CYP39A1: variants seen among roughly 807,000 people sequenced by gnomAD.
The protein encoded by CYP39A1 is 24-hydroxycholesterol 7-alpha-hydroxylase.
Under a neutral mutation model 58.1 loss-of-function variants are expected in CYP39A1, and 49 were observed. The ratio of observed to expected loss-of-function variants is 0.84; its 90% CI spans 0.67 to 1.07. The LOEUF is 1.07. Among genes scored for constraint, CYP39A1 ranks in the 50% least tolerant of loss-of-function variants. The pLI is 0.00. For synonymous variants in CYP39A1, 209 were observed against 187.6 expected (o/e 1.11, Z -0.93); for missense variants, 531 against 539.4 (o/e 0.98, Z 0.16).
intron 5 of CYP39A1, among the ~76,000 whole-genome samples, chr6:46,634,139 C>T (rs746510156): frequency 1.3e-5 from 2 of 152,120 alleles, no homozygotes; most frequent in Admixed American, 1.3e-4. Context: ...GGGAGGTAAC[C>T]GAATCATGGG....
At chr6:46,641,544 T>C (rs1056855140) in intron 2 of CYP39A1, among the ~76,000 whole-genome samples, 1 of 151,850 alleles carries the variant, frequency 6.6e-6, no homozygotes, top group Non-Finnish European at 1.5e-5. Context: ...CAGACACAAA[T>C]TGAACCAGCT....
At chr6:46,562,522 C>T (rs1035265907) in intron 10 of CYP39A1, among the ~76,000 whole-genome samples, 1 of 151,650 alleles carries the variant, frequency 6.6e-6, no homozygotes, top group African/African-American at 2.4e-5. Context: ...AATCCCAGTG[C>T]TTTGGGAGGC....
At chr6:46,643,251 TATC>T (rs796668228) in intron 1 of CYP39A1, among the ~76,000 whole-genome samples, 37 of 152,332 alleles carry the variant, frequency 2.4e-4, no homozygotes, top group African/African-American at 8.9e-4. Context: ...TCCATGACTC[TATC>T]ATCAAAAGAA....
chr6:46,625,921 T>C (rs1199185079), intron 6 of CYP39A1, among the ~76,000 whole-genome samples: 1 of 152,078 alleles, frequency 6.6e-6, no homozygotes, highest in Non-Finnish European at 1.5e-5. Context: ...TTCCTTAGAA[T>C]ACAAGTGAAT....
intron 7 of CYP39A1, among the ~76,000 whole-genome samples, chr6:46,600,069 G>A (rs2150530049): frequency 6.6e-6 from 1 of 152,240 alleles, no homozygotes; most frequent in East Asian, 1.9e-4. Context: ...TGATAGGGGA[G>A]AGAGGAGCAT....
At chr6:46,645,424 T>C (rs181588149) in intron 1 of CYP39A1, among the ~76,000 whole-genome samples, 247 of 152,288 alleles carry the variant, frequency 1.6e-3, no homozygotes, top group Non-Finnish European at 2.7e-3. Flanking sequence ...TCACCATTTG[T>C]TTAAAAAGGC....
intron 7 of CYP39A1, among the ~76,000 whole-genome samples, chr6:46,602,180 A>C (rs1051388826): frequency 6.6e-6 from 1 of 152,288 alleles, no homozygotes; most frequent in South Asian, 2.1e-4. Context: ...GGATGAATGC[A>C]TGTCTAAAAT....
chr6:46,573,596 T>C (rs145218900), intron 10 of CYP39A1, among the ~76,000 whole-genome samples: 2 of 152,286 alleles, frequency 1.3e-5, no homozygotes, highest in Non-Finnish European at 2.9e-5. Flanking sequence ...GGCATGCTGG[T>C]AACCACAGTA....
intron 7 of CYP39A1, among the ~76,000 whole-genome samples, chr6:46,603,132 G>A (rs1773621463): frequency 6.6e-6 from 1 of 152,154 alleles, no homozygotes; most frequent in Non-Finnish European, 1.5e-5. Flanking sequence ...CATAGGGTAT[G>A]AGTTGGCAAA....
intron 10 of CYP39A1, among the ~76,000 whole-genome samples, chr6:46,578,665 T>G (rs1388890164): frequency 6.6e-6 from 1 of 151,934 alleles, no homozygotes; most frequent in East Asian, 1.9e-4. Context: ...TATGAACACA[T>G]CTATGCACAC....
chr6:46,646,833 T>A (rs1762355888), intron 1 of CYP39A1, among the ~76,000 whole-genome samples: 1 of 152,084 alleles, frequency 6.6e-6, no homozygotes, highest in African/African-American at 2.4e-5. Context: ...ACTTGTTAAA[T>A]TTATGTTTGT....
chr6:46,583,899 T>C (rs1772303357), intron 10 of CYP39A1, among the ~76,000 whole-genome samples: 1 of 152,160 alleles, frequency 6.6e-6, no homozygotes, highest in African/African-American at 2.4e-5. Context: ...AGAGTGTGTG[T>C]TCATGATGAA....
intron 10 of CYP39A1, among the ~76,000 whole-genome samples, chr6:46,570,887 T>A (rs1771553689): frequency 6.6e-6 from 1 of 152,104 alleles, no homozygotes; most frequent in African/African-American, 2.4e-5. Flanking sequence ...CATTTCAACA[T>A]GAGATTTTGA....
intron 7 of CYP39A1, among the ~76,000 whole-genome samples, chr6:46,615,690 A>G (rs1049859786): frequency 6.6e-6 from 1 of 152,006 alleles, no homozygotes; most frequent in African/African-American, 2.4e-5. Context: ...TTCCAACCTA[A>G]TATTAACCAT....
chr6:46,652,639 T>C lies in CYP39A1; in HGVS notation c.-57A>G. 6.8e-7 allele frequency: 1 copy of C among 1,477,882 alleles called. No homozygotes were observed. The highest frequency in any genetic ancestry group is 1.4e-5 in the African/African-American group (1 of 69,992). 91.5% of individuals were successfully genotyped at this position (1,477,882 alleles called of 1,614,324 possible). On this transcript the variant is annotated 5_prime_UTR_variant, in exon 1 of 12. Transcript: ENST00000275016. ...AGTGTGAAACAGTCCTGCCGTCCCT[T>C]GCTTCTTTTCTGTGGGCTACGGAAC... is the stretch of plus-strand genomic sequence containing the variant.
At chr6:46,646,196 C>T (rs1291971602) in intron 1 of CYP39A1, among the ~76,000 whole-genome samples, 1 of 152,006 alleles carries the variant, frequency 6.6e-6, no homozygotes, top group Non-Finnish European at 1.5e-5. Flanking sequence ...GCTTTGTTCC[C>T]AATCACATGG....
intron 8 of CYP39A1, among the ~76,000 whole-genome samples, chr6:46,591,997 T>C (rs1046683662): frequency 6.6e-6 from 1 of 152,214 alleles, no homozygotes; most frequent in African/African-American, 2.4e-5. Flanking sequence ...ATACTCTTTT[T>C]TGTTACTCTT....
At chr6:46,592,468 C>T (rs1023227335) in intron 8 of CYP39A1, among the ~76,000 whole-genome samples, 3 of 152,012 alleles carry the variant, frequency 2.0e-5, no homozygotes, top group Non-Finnish European at 4.4e-5. Flanking sequence ...TGAATTTATA[C>T]TAAGGAAATA....
chr6:46,604,427 A>G (rs1773713557), intron 7 of CYP39A1, among the ~76,000 whole-genome samples: 1 of 152,194 alleles, frequency 6.6e-6, no homozygotes, highest in African/African-American at 2.4e-5. Flanking sequence ...AACACATGGA[A>G]CCTAAGGGAA....
Sources: allele counts gnomAD v4.1 joint callset (sites outside exome capture counted in the v4.1 genomes callset), GRCh38; gene constraint gnomAD v4.1.1; transcripts MANE v1.5; gene names NCBI Gene and HGNC (gene_info 2026-07-23, HGNC 2026-07-21).